RNF130: variants seen among roughly 807,000 people sequenced by gnomAD.
RNF130 encodes ring finger protein 130.
RNF130 carries 21 observed loss-of-function variants against 44.6 expected under a neutral mutation model. That is an observed-to-expected ratio of 0.47 (90% CI 0.33 to 0.68). The LOEUF is 0.68. RNF130 is among the 30% of genes least tolerant of loss of function. RNF130 has a pLI of 0.02. For synonymous variants in RNF130, 214 were observed against 210.4 expected, an observed-to-expected ratio of 1.02 and a Z score of -0.15; for missense variants, 479 against 560.6, an observed-to-expected ratio of 0.85 and a Z score of 1.47.
intron 2 of RNF130, among the ~76,000 whole-genome samples, chr5:180,028,455 C>T (rs972491435): frequency 2.6e-5 from 4 of 152,108 alleles, no homozygotes; most frequent in Admixed American, 1.3e-4. Context: ...TCATGTGGTT[C>T]GTCTACTGAG....
Position 180,013,237 on chromosome 5 carries a change from T to C in RNF130, c.517A>G (p.Ile173Val), listed in dbSNP as rs1403143583. Residue 173 changes from isoleucine to valine, a missense_variant, in exon 3 of 9, where the codon ATC becomes GTC. By Grantham distance (29) the Ile-to-Val change is conservative. Coordinates refer to ENST00000521389, the MANE Select transcript of RNF130 (RefSeq NM_018434.6). ...ACAGCTATTGTCATTTGTACAGAGA[T>C]GTTTTTCTCCAGATAACTCAAAATA... is the stretch of plus-strand genomic sequence containing the variant. ...KDILSYLEKN[I>V]SVQMTIAVGT... 1 of 1,614,096 alleles carries C rather than the reference T, an allele frequency of 6.2e-7. No homozygotes were observed. Among genetic ancestry groups the C allele is most frequent in the South Asian group, 1.1e-5 (1 of 91,088 alleles).
intron 1 of RNF130, 24 bp downstream of exon 1, chr5:180,071,432 C>G: frequency 8.1e-7 from 1 of 1,233,172 alleles, no homozygotes; most frequent in Non-Finnish European, 1.0e-6. Flanking sequence ...GACCACCGCC[C>G]GCCGCCCCCG....
intron 3 of RNF130, 141 bp downstream of exon 3, chr5:180,012,920 C>T (rs944045783): frequency 2.1e-5 from 19 of 924,570 alleles, no homozygotes; most frequent in African/African-American, 1.3e-4. Flanking sequence ...CTCATGTAGA[C>T]GTTTCCAACA....
At chr5:180,057,028 A>G (rs1561710577) in intron 1 of RNF130, among the ~76,000 whole-genome samples, 3 of 152,240 alleles carry the variant, frequency 2.0e-5, no homozygotes, top group Non-Finnish European at 4.4e-5. Flanking sequence ...CCTGAGTGAC[A>G]GGGGTGAGAG....
intron 7 of RNF130, among the ~76,000 whole-genome samples, chr5:179,929,355 G>A (rs993051118): frequency 2.0e-5 from 3 of 152,126 alleles, no homozygotes; most frequent in African/African-American, 7.2e-5. Context: ...TAATTACTGT[G>A]GCTTTGTCAA....
At chr5:179,944,557 G>A (rs948315159) in intron 7 of RNF130, among the ~76,000 whole-genome samples, 1 of 151,980 alleles carries the variant, frequency 6.6e-6, no homozygotes, top group East Asian at 1.9e-4. Flanking sequence ...TCCACCTTCC[G>A]GGTTCAAGCA....
At chr5:180,070,718 T>G (rs930778861) in intron 1 of RNF130, among the ~76,000 whole-genome samples, 1 of 152,204 alleles carries the variant, frequency 6.6e-6, no homozygotes, top group Non-Finnish European at 1.5e-5. Context: ...AACAAATACA[T>G]GTTTACACCA....
chr5:180,057,559 A>AG (rs34421268), intron 1 of RNF130, among the ~76,000 whole-genome samples: 2 of 152,074 alleles, frequency 1.3e-5, no homozygotes, highest in African/African-American at 4.8e-5. Flanking sequence ...AAAAAAAAAA[A>AG]TCATGTGTAA....
At chr5:179,944,926 G>C (rs1430338002) in intron 7 of RNF130, among the ~76,000 whole-genome samples, 3 of 152,072 alleles carry the variant, frequency 2.0e-5, no homozygotes, top group Non-Finnish European at 4.4e-5. Context: ...CTCACACGTG[G>C]CAAAGCTTTA....
chr5:179,994,515 G>A (rs1488505729), intron 3 of RNF130, among the ~76,000 whole-genome samples: 1 of 152,104 alleles, frequency 6.6e-6, no homozygotes, highest in African/African-American at 2.4e-5. Flanking sequence ...TAATCCTGAG[G>A]ATGTTACTAT....
chr5:180,070,110 G>A (rs749865271), intron 1 of RNF130, among the ~76,000 whole-genome samples: 3 of 152,222 alleles, frequency 2.0e-5, no homozygotes, highest in Non-Finnish European at 4.4e-5. Flanking sequence ...TGACCCTCAC[G>A]GTTCTCTCCA....
At position 179,984,137 on chromosome 5, in the gene RNF130, C is replaced by T. The variant is rs562754673; in HGVS notation, c.694-3937G>A. 5.4e-4 allele frequency among the ~76,000 whole-genome samples: 82 copies of T among 152,218 alleles called. 1 individual carries two copies. The highest frequency in any genetic ancestry group is 2.4e-4 in the Non-Finnish European group (16 of 68,016). On this transcript the variant is annotated intron_variant, in intron 3 of 8. Coordinates refer to ENST00000521389, the MANE Select transcript of RNF130 (RefSeq NM_018434.6). ...TTCATATTGATCTTGTATCATGGAA[C>T]CTTGTTAAATCTACTGTTGGTCTTT...
chr5:179,936,987 C>T (rs546027392), intron 7 of RNF130, among the ~76,000 whole-genome samples: 185 of 152,278 alleles, frequency 1.2e-3, no homozygotes, highest in African/African-American at 4.1e-3. Flanking sequence ...AATGTGAGTT[C>T]TAAAAGTATA....
intron 2 of RNF130, among the ~76,000 whole-genome samples, chr5:180,025,163 T>G (rs1419577553): frequency 6.6e-6 from 1 of 152,204 alleles, no homozygotes; most frequent in East Asian, 1.9e-4. Flanking sequence ...TGCATGATCC[T>G]CCTTAGCAGC....
At chr5:179,934,213 G>A (rs1761855000) in intron 7 of RNF130, 1 of 168,748 alleles carries the variant, frequency 5.9e-6, no homozygotes, top group African/African-American at 2.4e-5. Context: ...GGCATGGAAA[G>A]GTGGTGGGAA....
In RNF130 at chr5:179,978,301, C is replaced by A; in HGVS notation, c.766-16G>T. The A allele has an allele frequency of 3.1e-6, 5 of 1,592,762 alleles. No individual in the cohort carries two copies. Among genetic ancestry groups the A allele is most frequent in the Non-Finnish European group, 4.3e-6 (5 of 1,160,674 alleles). ...GGTCAGTTTCCTAAAATGAAAAGTA[C>A]AGAAACAAAAAGTCACACGCTGCAA... On this transcript the variant is annotated splice_polypyrimidine_tract_variant and intron_variant, in intron 4 of 8. Coordinates refer to ENST00000521389, the MANE Select transcript of RNF130 (RefSeq NM_018434.6).
chr5:180,039,573 T>C (rs1764356975), intron 2 of RNF130, among the ~76,000 whole-genome samples: 1 of 152,186 alleles, frequency 6.6e-6, no homozygotes, highest in Non-Finnish European at 1.5e-5. Context: ...TTGAAATCCA[T>C]CTGCACCATT....
chr5:179,983,471 C>T (rs751299732), intron 3 of RNF130, among the ~76,000 whole-genome samples: 3 of 151,730 alleles, frequency 2.0e-5, no homozygotes, highest in Non-Finnish European at 2.9e-5. Context: ...GGTCTATGTG[C>T]GGACACTATT....
chr5:179,940,765 T>C (rs1437795559), intron 7 of RNF130, among the ~76,000 whole-genome samples: 6 of 152,032 alleles, frequency 3.9e-5, no homozygotes, highest in African/African-American at 7.2e-5. Flanking sequence ...GTTTGAAAAA[T>C]TGTGTCATTA....
Sources: allele counts gnomAD v4.1 joint callset (sites outside exome capture counted in the v4.1 genomes callset), GRCh38; gene constraint gnomAD v4.1.1; transcripts MANE v1.5; gene names NCBI Gene and HGNC (gene_info 2026-07-23, HGNC 2026-07-21).